GET1: variants seen among roughly 807,000 people sequenced by gnomAD.
GET1 encodes guided entry of tail-anchored proteins factor 1.
In GET1, 20 loss-of-function variants were observed where a neutral mutation model predicts 22.6. The ratio of observed to expected loss-of-function variants is 0.89; its 90% CI spans 0.62 to 1.29. GET1 has a LOEUF of 1.29. GET1 is among the 50% of genes most tolerant of loss of function. GET1 has a pLI of 0.00. For missense variants in GET1, 209 were observed against 219.9 expected (o/e 0.95, Z 0.31); for synonymous variants, 92 against 83.8 (o/e 1.10, Z -0.53).
At position 39,423,414 on chromosome 21, in the gene GET1, G is replaced by A. The variant is rs1198152076; in HGVS notation, c.*24-4818G>A. 3 of 1,602,900 alleles carry A rather than the reference G, an allele frequency of 1.9e-6. No individual in the cohort carries two copies. In the Admixed American group the frequency reaches 5.1e-5, roughly 27 times the overall value. On this transcript the variant is annotated intron_variant, in intron 1 of 1. Coordinates refer to the GET1 transcript ENST00000478273. ...GATGAGCCATAGCATCTCTTCTTTG[G>A]GCAATCATATGGATTTGAGAATTAA...
At chr21:39,391,423 G>A (rs1244668913) in intron 2 of GET1, 2 of 287,774 alleles carry the variant, frequency 6.9e-6, no homozygotes, top group South Asian at 3.3e-5. Flanking sequence ...ACTCCCACCA[G>A]GGGTTCGTGT....
intron 1 of GET1, among the ~76,000 whole-genome samples, chr21:39,389,364 C>T (rs1467865214): frequency 6.6e-6 from 1 of 152,016 alleles, no homozygotes; most frequent in East Asian, 1.9e-4. Flanking sequence ...TCACTGTAGC[C>T]TTGAACTCCT....
exon 5 of GET1, chr21:39,406,235 T>C: frequency 1.9e-6 from 3 of 1,614,252 alleles, no homozygotes; most frequent in Non-Finnish European, 2.5e-6. Context: ...TTGCCTGTAC[T>C]ATGACTGTAC....
downstream of GET1, chr21:39,410,133 G>A (rs1350918081): frequency 2.1e-6 from 3 of 1,428,458 alleles, no homozygotes; most frequent in Non-Finnish European, 3.0e-6. Context: ...ACATTTTGGG[G>A]GGTCTAGATA....
chr21:39,388,239 A>G (rs984285006), intron 1 of GET1, among the ~76,000 whole-genome samples: 4 of 152,144 alleles, frequency 2.6e-5, no homozygotes, highest in African/African-American at 7.2e-5. Flanking sequence ...GTGGTGGTGC[A>G]GGCCTGTAGT....
At chr21:39,396,511 G>C (rs1302596766) in intron 4 of GET1, among the ~76,000 whole-genome samples, 3 of 151,328 alleles carry the variant, frequency 2.0e-5, no homozygotes, top group African/African-American at 7.3e-5. Flanking sequence ...CTGGGTGACA[G>C]AGCGAGACTC....
At chr21:39,413,023 G>A (rs2040382490) in intron 1 of GET1, among the ~76,000 whole-genome samples, 1 of 152,322 alleles carries the variant, frequency 6.6e-6, no homozygotes, top group East Asian at 1.9e-4. Flanking sequence ...GATGGAGGAT[G>A]CATCTCAGAG....
At position 39,390,786 on chromosome 21, in the gene GET1, A is replaced by G; in HGVS notation, c.191A>G (p.Asn64Ser). ...ATGAAGCAGGAGCTCTCCACAGTCA[A>G]CATGATGGACGAGTTTGCCAGATAT... The part of the protein sequence containing the change: ...QDMKQELSTV[N>S]MMDEFARYAR... The change falls in exon 2 of 5, where the codon AAC becomes AGC. Residue 64 changes from asparagine (N) to serine (S), a missense_variant. Transcript: ENST00000649170. 1 of 1,614,186 alleles carries G rather than the reference A, an allele frequency of 6.2e-7. No homozygotes were observed. Among genetic ancestry groups the G allele is most frequent in the Non-Finnish European group, 8.5e-7 (1 of 1,180,018 alleles).
chr21:39,420,193 T>A (rs1043735933), intron 1 of GET1, among the ~76,000 whole-genome samples: 7 of 152,108 alleles, frequency 4.6e-5, no homozygotes, highest in Non-Finnish European at 8.8e-5. Flanking sequence ...TTCATATGAT[T>A]GTAGAGAAAA....
chr21:39,406,689 C>G (rs2039117265), downstream of GET1: 1 of 1,094,706 alleles, frequency 9.1e-7, no homozygotes, highest in African/African-American at 1.6e-5. Flanking sequence ...GTCTAGTACA[C>G]TTACGTGCAC....
chr21:39,423,180 C>A, intron 1 of GET1: 1 of 1,613,114 alleles, frequency 6.2e-7, no homozygotes, highest in Non-Finnish European at 8.5e-7. Flanking sequence ...TAAGTAGTTG[C>A]CTTAAATTTT....
At chr21:39,382,058 T>C (rs1331341704) in intron 1 of GET1, among the ~76,000 whole-genome samples, 1 of 139,760 alleles carries the variant, frequency 7.2e-6, no homozygotes, top group Non-Finnish European at 1.6e-5. Context: ...GAACATTTTC[T>C]TTTTTTTTTT....
At chr21:39,380,736 G>A (rs550673082) in intron 1 of GET1, 3 of 1,213,078 alleles carry the variant, frequency 2.5e-6, no homozygotes, top group East Asian at 7.6e-5. Context: ...GGCTGTGGGT[G>A]GCGGCGGCGA....
chr21:39,407,357 G>C (rs973357220), downstream of GET1, among the ~76,000 whole-genome samples: 1 of 152,174 alleles, frequency 6.6e-6, no homozygotes, highest in African/African-American at 2.4e-5. Flanking sequence ...TGGAATGTTT[G>C]GTCCCCGCTG....
chr21:39,387,972 A>C, intron 1 of GET1: 55 of 558,896 alleles, frequency 9.8e-5, no homozygotes, highest in Middle Eastern at 9.0e-4. Context: ...ACAAACACAA[A>C]TGTGCAGAAA....
At chr21:39,400,390 G>A (rs2038810474), downstream of GET1, among the ~76,000 whole-genome samples, 1 of 152,144 alleles carries the variant, frequency 6.6e-6, no homozygotes, top group African/African-American at 2.4e-5. Flanking sequence ...CAGTGATGAC[G>A]CAAGTGCCTT....
chr21:39,400,289 A>G (rs564308606), downstream of GET1, among the ~76,000 whole-genome samples: 4 of 152,206 alleles, frequency 2.6e-5, no homozygotes, highest in Non-Finnish European at 5.9e-5. Flanking sequence ...CATTTAAAAT[A>G]CTATCTGTAT....
intron 3 of GET1, 98 bp from the exon 4 acceptor site, chr21:39,393,068 G>GTT: frequency 9.7e-7 from 1 of 1,032,582 alleles, no homozygotes; most frequent in Non-Finnish European, 1.5e-6. Flanking sequence ...AGTCTGGAGA[G>GTT]TTTTCCTGGT....
intron 1 of GET1, among the ~76,000 whole-genome samples, chr21:39,415,869 C>G (rs2041051435): frequency 6.6e-6 from 1 of 152,090 alleles, no homozygotes; most frequent in African/African-American, 2.4e-5. Context: ...GAGCATGTTC[C>G]TCTCCCCTCT....
Sources: gnomAD v4.1 joint callset for allele counts (sites outside exome capture counted in the v4.1 genomes callset) on GRCh38, gnomAD v4.1.1 for gene constraint, MANE v1.5 for transcripts, NCBI Gene and HGNC (gene_info 2026-07-23, HGNC 2026-07-21) for gene names.